Variants in TMEM150C observed in about 807,000 individuals in gnomAD.
The protein encoded by TMEM150C is transmembrane protein 150C, also known as tentonin 3.
Under a neutral mutation model 29.9 loss-of-function variants are expected in TMEM150C, and 10 were observed. The ratio of observed to expected loss-of-function variants is 0.33; its 90% CI spans 0.21 to 0.57. The LOEUF (loss-of-function observed/expected upper bound fraction) is 0.57, where lower values mean the gene tolerates loss of function less well. Among genes scored for constraint, TMEM150C ranks in the 20% least tolerant of loss-of-function variants. The probability of loss-of-function intolerance (pLI) is 0.88; values close to 1 mark genes in which losing one functional copy is unlikely to be tolerated. For missense variants in TMEM150C, 251 were observed against 303.6 expected, an observed-to-expected ratio of 0.83 and a Z score of 1.29; for synonymous variants, 101 against 112.5, an observed-to-expected ratio of 0.90 and a Z score of 0.64.
At position 82,502,776 on chromosome 4, in the gene TMEM150C, A is replaced by C. The variant is rs1347326369; in HGVS notation, c.186T>G (p.Pro62=). 3 of 1,607,944 alleles carry C rather than the reference A, an allele frequency of 1.9e-6. No individual in the cohort carries two copies. In the South Asian group the frequency reaches 3.3e-5, roughly 18 times the overall value. Residue 62 remains proline, a synonymous_variant, in exon 5 of 8, where the codon CCT becomes CCG. Coordinates refer to ENST00000449862, the MANE Select transcript of TMEM150C (RefSeq NM_001080506.3). ...CTTGACTAAACACACAGCTTGCAGGAGGATCATCACCTGCAATGCTTGAAA... is the reference window on the plus strand; with the variant it reads ...CTTGACTAAACACACAGCTTGCAGGCGGATCATCACCTGCAATGCTTGAAA... ...APYISIAGDD[P]PASCVFSQVM... is the part of the protein sequence containing the mutation.
chr4:82,549,779 G>T (rs1725509491), intron 1 of TMEM150C, among the ~76,000 whole-genome samples: 1 of 152,146 alleles, frequency 6.6e-6, no homozygotes, highest in South Asian at 2.1e-4. Flanking sequence ...GTATTCTATT[G>T]TAGAGATCGA....
At chr4:82,528,146 G>T (rs976516589) in intron 1 of TMEM150C, among the ~76,000 whole-genome samples, 4 of 152,210 alleles carry the variant, frequency 2.6e-5, no homozygotes, top group African/African-American at 9.7e-5. Flanking sequence ...AAGTACTACA[G>T]GAACATGGAG....
chr4:82,504,298 G>A (rs1033632633), intron 2 of TMEM150C, among the ~76,000 whole-genome samples: 1 of 152,282 alleles, frequency 6.6e-6, no homozygotes, highest in East Asian at 1.9e-4. Flanking sequence ...CTGCCTCCAG[G>A]GTTCAAGCGA....
chr4:82,499,391 G>A (rs6854048), intron 5 of TMEM150C, among the ~76,000 whole-genome samples: 9,936 of 152,066 alleles, frequency 0.065, 1,042 homozygotes, highest in African/African-American at 0.22. Context: ...TGCCATACAG[G>A]TGTCCCCTAC....
At position 82,496,156 on chromosome 4, in the gene TMEM150C, G is replaced by A. The variant is rs771624310; in HGVS notation, c.275C>T (p.Pro92Leu). Residue 92 changes from proline to leucine, a missense_variant, in exon 6 of 8, where the codon CCG becomes CTG. Coordinates refer to ENST00000449862, the MANE Select transcript of TMEM150C (RefSeq NM_001080506.3). Reference sequence around the variant, plus strand: ...ATTCAGCCACGGGTTTAAAACCTTCGGTTTCAGTTGTATGAAGCGCAGAAC... The same window carrying A: ...ATTCAGCCACGGGTTTAAAACCTTCAGTTTCAGTTGTATGAAGCGCAGAAC... Reference protein sequence around the residue: ...VAVLRFIQLKPKVLNPWLNIS... With the variant: ...VAVLRFIQLKLKVLNPWLNIS... 81 of 1,613,782 alleles carry A rather than the reference G, an allele frequency of 5.0e-5. No homozygotes were observed. Among genetic ancestry groups the A allele is most frequent in the Non-Finnish European group, 6.5e-5 (77 of 1,179,862 alleles).
chr4:82,490,781 C>G lies in TMEM150C; in HGVS notation c.364-543G>C, dbSNP rs780007098. ...TTGTTTTGAAGGAAAATTTGTATTA[C>G]TTTAATTGTTTTTTAAGTACAGAAA... On this transcript the variant is annotated intron_variant, in intron 6 of 7. Transcript: ENST00000449862. 65 of 413,144 alleles carry G rather than the reference C, an allele frequency of 1.6e-4. No individual in the cohort carries two copies. In the Middle Eastern group the frequency reaches 2.3e-3, roughly 15 times the overall value. The allele number at this position is 413,144 out of a possible 1,614,324, so 25.6% of individuals were successfully genotyped here. A position where few individuals can be genotyped will look rare whatever the true frequency, so the allele number is the denominator to read the frequency against.
intron 1 of TMEM150C, among the ~76,000 whole-genome samples, chr4:82,510,058 C>A (rs761783352): frequency 6.6e-6 from 1 of 151,692 alleles, no homozygotes; most frequent in Non-Finnish European, 1.5e-5. Flanking sequence ...TTTATTAGGG[C>A]CGTGAGGTCA....
chr4:82,517,156 C>A (rs1724321153), intron 1 of TMEM150C, among the ~76,000 whole-genome samples: 1 of 152,218 alleles, frequency 6.6e-6, no homozygotes, highest in Non-Finnish European at 1.5e-5. Flanking sequence ...CAAAAACCGA[C>A]CTGGAACAGA....
intron 1 of TMEM150C, among the ~76,000 whole-genome samples, chr4:82,529,387 C>A (rs185689869): frequency 3.3e-5 from 5 of 152,030 alleles, no homozygotes; most frequent in Non-Finnish European, 4.4e-5. Context: ...TTCCTGGGCT[C>A]AAGCAATCCT....
At chr4:82,532,904 AT>A (rs1251281791) in intron 1 of TMEM150C, among the ~76,000 whole-genome samples, 3 of 151,872 alleles carry the variant, frequency 2.0e-5, no homozygotes, top group Non-Finnish European at 4.4e-5. Context: ...AATTTTTTGT[AT>A]TTTTAGTACA....
chr4:82,485,888 A>G (rs1417851039), intron 7 of TMEM150C, among the ~76,000 whole-genome samples, 169 bp from the exon 8 acceptor site: 1 of 152,184 alleles, frequency 6.6e-6, no homozygotes, highest in East Asian at 1.9e-4. Context: ...ATAAGTTAAC[A>G]TTATTGGGCT....
At chr4:82,554,687 GTCATTATAAT>G (rs1725685806) in intron 1 of TMEM150C, among the ~76,000 whole-genome samples, 1 of 152,172 alleles carries the variant, frequency 6.6e-6, no homozygotes, top group Non-Finnish European at 1.5e-5. Context: ...TCAGTTGATT[GTCATTATAAT>G]TCATTATAAT....
intron 1 of TMEM150C, among the ~76,000 whole-genome samples, chr4:82,506,254 C>T (rs911384677): frequency 5.3e-5 from 8 of 152,146 alleles, no homozygotes; most frequent in African/African-American, 1.7e-4. Flanking sequence ...TTCAGGCTGG[C>T]GAACCAATCC....
intron 1 of TMEM150C, among the ~76,000 whole-genome samples, chr4:82,515,548 C>T (rs1325090547): frequency 2.6e-5 from 4 of 152,042 alleles, no homozygotes; most frequent in Admixed American, 1.3e-4. Flanking sequence ...ACCAGCCTGG[C>T]TAACATGGTG....
chr4:82,520,430 A>G (rs1402087288), intron 1 of TMEM150C, among the ~76,000 whole-genome samples: 1 of 152,142 alleles, frequency 6.6e-6, no homozygotes, highest in Non-Finnish European at 1.5e-5. Flanking sequence ...CCTCTTTCTC[A>G]GGCCGAAAGC....
intron 1 of TMEM150C, among the ~76,000 whole-genome samples, chr4:82,547,410 G>A (rs1280458598): frequency 1.3e-5 from 2 of 151,962 alleles, no homozygotes; most frequent in Admixed American, 6.6e-5. Flanking sequence ...CCAATATGGT[G>A]AAACCCCATC....
chr4:82,554,928 C>A (rs1352731234), intron 1 of TMEM150C, among the ~76,000 whole-genome samples: 3 of 152,114 alleles, frequency 2.0e-5, no homozygotes, highest in Non-Finnish European at 2.9e-5. Context: ...TGAACAAAAT[C>A]TGAATAGCTT....
chr4:82,499,449 C>T (rs762625557), intron 5 of TMEM150C, among the ~76,000 whole-genome samples: 9 of 152,082 alleles, frequency 5.9e-5, no homozygotes, highest in Admixed American at 3.9e-4. Context: ...AGGCCGGGCG[C>T]GGTGGCTCAT....
chr4:82,499,811 A>C (rs1156571335), intron 5 of TMEM150C, among the ~76,000 whole-genome samples: 1 of 151,510 alleles, frequency 6.6e-6, no homozygotes, highest in African/African-American at 2.4e-5. Flanking sequence ...TGGGTTTTTA[A>C]AGTTCGAAAC....
Sources: gnomAD v4.1 joint callset for allele counts (sites outside exome capture counted in the v4.1 genomes callset) on GRCh38, gnomAD v4.1.1 for gene constraint, MANE v1.5 for transcripts, NCBI Gene and HGNC (gene_info 2026-07-23, HGNC 2026-07-21) for gene names.